The following ATP1A3 variants were observed in gnomAD, a reference collection of about 807,000 sequenced individuals.
ATP1A3 encodes ATPase Na+/K+ transporting subunit alpha 3, also known as sodium/potassium-transporting ATPase subunit alpha-3.
In ATP1A3, 12 loss-of-function variants were observed where a neutral mutation model predicts 108.8. The ratio of observed to expected loss-of-function variants is 0.11; its 90% CI spans 0.07 to 0.18. The LOEUF (loss-of-function observed/expected upper bound fraction) is 0.18. ATP1A3 is among the 10% of genes least tolerant of loss of function. The pLI is 1.00. For synonymous variants in ATP1A3, 539 were observed against 564.5 expected (o/e 0.95, Z 0.64); for missense variants, 498 against 1,387.7 (o/e 0.36, Z 10.19).
intron 4 of ATP1A3, 50 bp from the exon 5 acceptor site, chr19:41,986,279 C>T (rs782686404): frequency 5.6e-5 from 88 of 1,579,306 alleles, no homozygotes; most frequent in Non-Finnish European, 7.4e-5. Context: ...AGCCACTCTC[C>T]ACCAGTCCCT....
chr19:41,985,843 G>C lies in ATP1A3; in HGVS notation c.606+21C>G, dbSNP rs369349374. ...GGGCAGCCCGAGGGAGGGTAAAGCC[G>C]GGCCCTAGGCCCAGGCCCACCTTGC... is the stretch of plus-strand genomic sequence containing the variant. On this transcript the variant is annotated intron_variant, in intron 6 of 22. Transcript: ENST00000648268. This position sits in a 1 kb window ranked among gnomAD's most constrained non-coding sequence, Gnocchi z 8.2. The C allele has an allele frequency of 5.0e-6, 8 of 1,613,046 alleles. No homozygotes were observed. Among genetic ancestry groups the C allele is most frequent in the East Asian group, 4.5e-5 (2 of 44,876 alleles).
rs2075274884 is a variant in ATP1A3 at position 41,985,183 on chromosome 19, G to A, written c.728C>T (p.Thr243Met). The change falls in exon 8 of 23, where the codon ACG (threonine) becomes ATG (methionine). Residue 243 changes from threonine (T) to methionine (M), a missense_variant. Thr to Met is a moderately conservative substitution (Grantham distance 81). Around this residue, in one of 9 missense-constraint regions of ATP1A3, gnomAD observed 127 missense variants for 464.0 expected, o/e 0.27. Coordinates refer to ENST00000648268, the MANE Select transcript of ATP1A3 (RefSeq NM_152296.5). The surrounding 1 kb of genome is among the most constrained non-coding windows in gnomAD (Gnocchi z 8.2). ...TFFSTNCVEGTARGVVVATGD... is the reference protein window; with the variant it reads ...TFFSTNCVEGMARGVVVATGD... The stretch of plus-strand genomic sequence containing the variant: ...CGTGGCCACCACCACGCCCCGAGCC[G>A]TGCCTGCAGGCCAGAGGGGTTAGGC... 1 of 1,613,470 alleles carries A rather than the reference G, an allele frequency of 6.2e-7. No individual in the cohort carries two copies.
In ATP1A3 at chr19:41,988,398, G is replaced by A. The variant is rs139990019; in HGVS notation, c.94-21C>T. On this transcript the variant is annotated intron_variant, in intron 2 of 22. Transcript: ENST00000648268. The surrounding 1 kb of genome is among the most constrained non-coding windows in gnomAD (Gnocchi z 5.3). ...TCTGTCTGAGGAACAGGAGTTTGGG[G>A]GAGACGGTGAGTGCCTAGGCCAGCC... 476 of 1,614,188 alleles carry A rather than the reference G, an allele frequency of 2.9e-4. 2 individuals are homozygous for A. The East Asian group carries it at 0.01, about 35-fold the overall frequency.
In ATP1A3 at chr19:41,985,754, A is replaced by C. The variant is rs1555865196; in HGVS notation, c.606+110T>G. 2.0e-6 allele frequency: 3 copies of C among 1,513,158 alleles called. No homozygotes were observed. The highest frequency in any genetic ancestry group is 2.7e-6 in the Non-Finnish European group (3 of 1,122,284). 93.7% of individuals were successfully genotyped at this position (1,513,158 alleles called of 1,614,324 possible). A position where few individuals can be genotyped will look rare whatever the true frequency, so the allele number is the denominator to read the frequency against. ...CTGGGGGCCTGGACTCCTGGGTCTG[A>C]GGGAGGAGGGGTTGGGACCTGGACT... On this transcript the variant is annotated intron_variant, in intron 6 of 22. Transcript: ENST00000648268. This position sits in a 1 kb window ranked among gnomAD's most constrained non-coding sequence, Gnocchi z 8.2.
intron 4 of ATP1A3, 124 bp downstream of exon 4, chr19:41,987,812 G>A: frequency 7.9e-7 from 1 of 1,270,044 alleles, no homozygotes; most frequent in East Asian, 2.3e-5. Context: ...GGGTGATTGT[G>A]AGTTAGATGG....
At position 41,970,924 on chromosome 19, in the gene ATP1A3, G is replaced by A. The variant is rs137965404; in HGVS notation, c.2264-382C>T. On this transcript the variant is annotated intron_variant, in intron 16 of 22. Coordinates refer to ENST00000648268, the MANE Select transcript of ATP1A3 (RefSeq NM_152296.5). ...TGGGATTACAGGCGTGAGCCACCGCGCCCGGCCTGTCCAGCGTCCTTTTCT... is the reference window on the plus strand; with the variant it reads ...TGGGATTACAGGCGTGAGCCACCGCACCCGGCCTGTCCAGCGTCCTTTTCT... Among the ~76,000 whole-genome samples the A allele has an allele frequency of 9.2e-3, 1,369 of 149,012 alleles. 4 individuals are homozygous for A. The highest frequency in any genetic ancestry group is 0.03 in the Middle Eastern group (8 of 270).
rs782611500 is a variant in ATP1A3, at chr19:41,967,676, G to A, written c.2907C>T (p.Arg969=). The change falls in exon 21 of 23, where the codon CGC becomes CGT. Residue 969 remains arginine (R), a synonymous_variant. Transcript: ENST00000648268. The surrounding 1 kb of genome is among the most constrained non-coding windows in gnomAD (Gnocchi z 4.2). ...SYCPGMDVAL[R]MYPLKPSWWF... ...GGGGCACTCACTTGAGAGGGTACAT[G>A]CGCAGGGCCACGTCCATGCCGGGGC... 6 of 1,613,886 alleles carry A rather than the reference G, an allele frequency of 3.7e-6. No individual in the cohort carries two copies. The African/African-American group carries it at 8.0e-5, about 22-fold the overall frequency.
At chr19:41,976,865 C>T (rs1337429316) in intron 14 of ATP1A3, among the ~76,000 whole-genome samples, 8 of 151,766 alleles carry the variant, frequency 5.3e-5, no homozygotes, top group Non-Finnish European at 8.8e-5. Context: ...AGTGCAGTGG[C>T]GCAATCTCGG....
In ATP1A3 at chr19:41,978,598, C is replaced by T; in HGVS notation, c.1630+8G>A. The T allele has an allele frequency of 1.2e-6, 2 of 1,612,774 alleles. No homozygotes were observed. The highest frequency in any genetic ancestry group is 1.7e-6 in the Non-Finnish European group (2 of 1,179,942). ...AGGGACCCCAGAGCCCGCCCGGCAGCCTCGCACCAAGCACGCGCTCGCCCA... is the reference window on the plus strand; with the variant it reads ...AGGGACCCCAGAGCCCGCCCGGCAGTCTCGCACCAAGCACGCGCTCGCCCA... On this transcript the variant is annotated splice_region_variant and intron_variant, in intron 12 of 22. Transcript: ENST00000648268. This position sits in a 1 kb window ranked among gnomAD's most constrained non-coding sequence, Gnocchi z 8.3.
chr19:41,970,367 AG>A lies in ATP1A3; in HGVS notation c.2418+20del, dbSNP rs782098497. 1 of 1,614,200 alleles carries A rather than the reference AG, an allele frequency of 6.2e-7. No individual in the cohort carries two copies. Among genetic ancestry groups the A allele is most frequent in the South Asian group, 1.1e-5 (1 of 91,088 alleles). On this transcript the variant is annotated intron_variant, in intron 17 of 22. Transcript: ENST00000648268. ...GAGGACTCCACCCTCCTGGGCCCCA[AG>A]GGTGGCTGCCAGGGCTCACCATGTC...
In ATP1A3 at chr19:41,972,310, G is replaced by A. The variant is rs145664416; in HGVS notation, c.2264-1768C>T. Among the ~76,000 whole-genome samples, 519 of 151,730 alleles carry A rather than the reference G, an allele frequency of 3.4e-3. 1 individual carries two copies. The highest frequency in any genetic ancestry group is 0.012 in the African/African-American group (503 of 41,344). ...GGCACGGTGGCTCGAGCCTGTGGTC[G>A]CAGCTACTTGGGAGGCTGAGGTGGG... On this transcript the variant is annotated intron_variant, in intron 16 of 22. Transcript: ENST00000648268.
chr19:41,982,643 T>C (rs1401696065), intron 8 of ATP1A3, among the ~76,000 whole-genome samples: 4 of 151,280 alleles, frequency 2.6e-5, no homozygotes, highest in Non-Finnish European at 4.4e-5. Context: ...AAAAAAATTG[T>C]CCAAAACTGC....
chr19:41,976,302 C>G, intron 15 of ATP1A3, 114 bp downstream of exon 15: 1 of 1,445,940 alleles, frequency 6.9e-7, no homozygotes, highest in Non-Finnish European at 9.5e-7. Context: ...CTCTCAGACC[C>G]AGGGGTCCAG....
At chr19:41,970,095 A>G in intron 18 of ATP1A3, 90 bp downstream of exon 18, 2 of 1,607,598 alleles carry the variant, frequency 1.2e-6, no homozygotes, top group Non-Finnish European at 1.7e-6. Context: ...CCCCTGAGTC[A>G]ATGCCAGGGT....
At chr19:41,977,013 G>C (rs1307973297) in intron 14 of ATP1A3, among the ~76,000 whole-genome samples, 1 of 151,448 alleles carries the variant, frequency 6.6e-6, no homozygotes, top group African/African-American at 2.4e-5. Flanking sequence ...TTGCCATGTT[G>C]GCCAGGCTGC....
In ATP1A3 at chr19:41,970,258, C is replaced by T. The variant is rs782260220; in HGVS notation, c.2469G>A (p.Lys823=). ...CCGTCCGCGGGTTCCTGGGCTGTCT[C>T]TTCATGATGTCGCTTTCGGCAGCCT... The part of the protein sequence containing the change: ...AYEAAESDIM[K]RQPRNPRTDK... Residue 823 remains lysine, a synonymous_variant, in exon 18 of 23, where the codon AAG becomes AAA. Coordinates refer to ENST00000648268, the MANE Select transcript of ATP1A3 (RefSeq NM_152296.5). 3.1e-6 allele frequency: 5 copies of T among 1,614,226 alleles called. No individual in the cohort carries two copies. The highest frequency in any genetic ancestry group is 4.2e-6 in the Non-Finnish European group (5 of 1,180,046).
chr19:41,985,049 C>T lies in ATP1A3; in HGVS notation c.862G>A (p.Val288Met), dbSNP rs569214661. ...AAGGAGACACCCAGGAAGACAGCCA[C>T]GCCGGTGATGAGCTGGATGAAGTGC... ...IEHFIQLITG[V>M]AVFLGVSFFI... Residue 288 changes from valine to methionine, a missense_variant, in exon 8 of 23, where the codon GTG (valine) becomes ATG (methionine). By Grantham distance (21) the Val-to-Met change is conservative. Coordinates refer to ENST00000648268, the MANE Select transcript of ATP1A3 (RefSeq NM_152296.5). This position sits in a 1 kb window ranked among gnomAD's most constrained non-coding sequence, Gnocchi z 8.2. The T allele has an allele frequency of 3.7e-6, 6 of 1,613,948 alleles. No individual in the cohort carries two copies. The highest frequency in any genetic ancestry group is 2.7e-5 in the African/African-American group (2 of 75,058).
intron 1 of ATP1A3, 96 bp downstream of exon 1, chr19:41,993,975 C>T: frequency 6.4e-7 from 1 of 1,570,976 alleles, no homozygotes; most frequent in East Asian, 2.4e-5. Flanking sequence ...GGCCCCGGAG[C>T]GCAGGGGTCC....
intron 8 of ATP1A3, among the ~76,000 whole-genome samples, chr19:41,983,731 A>G (rs1440303813): frequency 6.8e-6 from 1 of 147,898 alleles, no homozygotes; most frequent in Non-Finnish European, 1.5e-5. Flanking sequence ...CTGGAACTAC[A>G]GACATGTACC....
Sources: gnomAD v4.1 joint callset for allele counts (sites outside exome capture counted in the v4.1 genomes callset) on GRCh38, gnomAD v4.1.1 for gene constraint, gnomAD v4.1.1 regional missense constraint, Gnocchi (gnomAD v3.1) non-coding constraint, MANE v1.5 for transcripts, NCBI Gene and HGNC (gene_info 2026-07-23, HGNC 2026-07-21) for gene names.